The following KIF6 variants were observed in gnomAD, a reference collection of about 807,000 sequenced individuals.
KIF6 encodes the protein kinesin-like protein KIF6.
KIF6 carries 106 observed loss-of-function variants against 112.7 expected under a neutral mutation model. That is an observed-to-expected ratio of 0.94 (90% CI 0.80 to 1.11). KIF6 has a LOEUF of 1.11. KIF6 is among the 50% of genes least tolerant of loss of function. The pLI, the probability that KIF6 is intolerant of heterozygous loss-of-function variation, is 0.00. For synonymous variants in KIF6, 339 were observed against 339.9 expected (o/e 1.00, Z 0.03); for missense variants, 929 against 964.0 (o/e 0.96, Z 0.48).
chr6:39,348,923 C>A (rs763640746), intron 19 of KIF6, among the ~76,000 whole-genome samples: 9 of 152,182 alleles, frequency 5.9e-5, no homozygotes, highest in African/African-American at 2.2e-4. Context: ...GGGCACTGAC[C>A]GGGCAACATT....
At chr6:39,351,622 C>T (rs1027514540) in intron 19 of KIF6, among the ~76,000 whole-genome samples, 1 of 152,136 alleles carries the variant, frequency 6.6e-6, no homozygotes, top group South Asian at 2.1e-4. Context: ...CTCTCTCTCT[C>T]TCACACACAC....
At chr6:39,431,406 G>A in intron 13 of KIF6, 2 of 373,596 alleles carry the variant, frequency 5.4e-6, no homozygotes, top group Non-Finnish European at 9.6e-6. Context: ...GTGGGGGGCG[G>A]GGTTTGGAAT....
rs143093562 is a variant in KIF6 at position 39,482,006 on chromosome 6, G to GCACACACACACACACA, written c.1646-50861_1646-50846dup. 7.1e-5 allele frequency among the ~76,000 whole-genome samples: 10 copies of GCACACACACACACACA among 141,242 alleles called. No individual in the cohort carries two copies. The East Asian group carries it at 1.1e-3, about 15-fold the overall frequency. 92.7% of individuals were successfully genotyped at this position (141,242 alleles called of 152,430 possible). A position where few individuals can be genotyped will look rare whatever the true frequency, so the allele number is the denominator to read the frequency against. On this transcript the variant is annotated intron_variant, in intron 13 of 22. Transcript: ENST00000287152. ...GAGATAAAGACAACGGGACCTTTAGGCACACACACACACACACACACACAC... is the reference window on the plus strand; with the variant it reads ...GAGATAAAGACAACGGGACCTTTAGGCACACACACACACACACACACACACACACACACACACACAC...
At chr6:39,610,200 T>C (rs1424411187) in intron 6 of KIF6, among the ~76,000 whole-genome samples, 1 of 152,204 alleles carries the variant, frequency 6.6e-6, no homozygotes, top group African/African-American at 2.4e-5. Flanking sequence ...GCTTTTATAA[T>C]ATTTATTCTC....
intron 19 of KIF6, among the ~76,000 whole-genome samples, chr6:39,350,619 T>C (rs1764170501): frequency 6.6e-6 from 1 of 152,096 alleles, no homozygotes; most frequent in Admixed American, 6.6e-5. Context: ...CAACAGCGAA[T>C]CCTTCACGTG....
Position 39,345,639 on chromosome 6 carries a change from T to C in KIF6, c.2321+61A>G, listed in dbSNP as rs1333014484. On this transcript the variant is annotated intron_variant, in intron 21 of 22. Coordinates refer to ENST00000287152, the MANE Select transcript of KIF6 (RefSeq NM_145027.6). The stretch of plus-strand genomic sequence containing the variant: ...GCTTTTTCGGGGAGTAGACTGGAGA[T>C]GGAGGCCCACTCCGCCCACTGCAGG... The C allele has an allele frequency of 8.0e-6, 11 of 1,382,804 alleles. No homozygotes were observed. The Middle Eastern group carries it at 6.1e-4, about 76-fold the overall frequency. 85.7% of individuals were successfully genotyped at this position (1,382,804 alleles called of 1,614,324 possible). A position where few individuals can be genotyped will look rare whatever the true frequency, so the allele number is the denominator to read the frequency against.
chr6:39,379,930 A>C lies in KIF6; in HGVS notation c.1861+5692T>G, dbSNP rs77135279. ...GGGCCTTAAATGTAAAGTGAGGATA[A>C]TAGTAACATCTACGTCATTGGGTTG... is the stretch of plus-strand genomic sequence containing the variant. On this transcript the variant is annotated intron_variant, in intron 16 of 22. Transcript: ENST00000287152. Among the ~76,000 whole-genome samples, 1,003 of 152,364 alleles carry C rather than the reference A, an allele frequency of 6.6e-3. 9 individuals carry two copies. The highest frequency in any genetic ancestry group is 0.023 in the African/African-American group (954 of 41,586).
intron 10 of KIF6, among the ~76,000 whole-genome samples, chr6:39,564,357 G>C (rs182723584): frequency 6.6e-6 from 1 of 152,206 alleles, no homozygotes; most frequent in Non-Finnish European, 1.5e-5. Flanking sequence ...GGGTTTGAAG[G>C]ATGGGAATGA....
intron 5 of KIF6, among the ~76,000 whole-genome samples, chr6:39,619,325 A>C (rs1016015470): frequency 1.3e-5 from 2 of 152,182 alleles, no homozygotes; most frequent in Non-Finnish European, 2.9e-5. Flanking sequence ...TAATAATGTT[A>C]ATAGACTTGG....
In KIF6 at chr6:39,346,132, C is replaced by CCCCTCTCT. The variant is rs1554196915; in HGVS notation, c.2231+343_2232-343insAGAGAGGG. Among the ~76,000 whole-genome samples the CCCCTCTCT allele has an allele frequency of 7.8e-3, 209 of 26,924 alleles. 17 individuals are homozygous for CCCCTCTCT. Among genetic ancestry groups the CCCCTCTCT allele is most frequent in the African/African-American group, 0.029 (197 of 6,750 alleles). The allele number at this position is 26,924 out of a possible 152,430, so 17.7% of individuals were successfully genotyped here. On this transcript the variant is annotated intron_variant, in intron 20 of 22. Transcript: ENST00000287152. ...CTCCCTCTCCCTCTCCCTCCCTCTC[C>CCCCTCTCT]CTCTCTCTCTCTCTCTCTCTCTCTC...
At chr6:39,671,427 A>G (rs2150831674) in intron 3 of KIF6, among the ~76,000 whole-genome samples, 1 of 152,268 alleles carries the variant, frequency 6.6e-6, no homozygotes, top group South Asian at 2.1e-4. Context: ...CTTCCTAGTT[A>G]TCTCCGTGAG....
At chr6:39,488,081 T>A (rs1333608170) in intron 13 of KIF6, among the ~76,000 whole-genome samples, 3 of 152,074 alleles carry the variant, frequency 2.0e-5, no homozygotes, top group African/African-American at 7.2e-5. Flanking sequence ...ATACATAATG[T>A]CCTCTAATAA....
intron 18 of KIF6, among the ~76,000 whole-genome samples, chr6:39,359,659 C>T (rs1002747077): frequency 1.3e-5 from 2 of 152,126 alleles, no homozygotes; most frequent in Non-Finnish European, 2.9e-5. Context: ...TATCACTGCT[C>T]ACTGCAGCCT....
chr6:39,657,031 G>A (rs1243587898), intron 3 of KIF6, among the ~76,000 whole-genome samples: 1 of 152,060 alleles, frequency 6.6e-6, no homozygotes, highest in Admixed American at 6.6e-5. Flanking sequence ...AGGAGTTTGA[G>A]ACCAGCCTGA....
chr6:39,542,072 G>A (rs1778818211), intron 12 of KIF6, among the ~76,000 whole-genome samples: 1 of 152,202 alleles, frequency 6.6e-6, no homozygotes, highest in Non-Finnish European at 1.5e-5. Context: ...GTCCGTGGGG[G>A]AGGGGATGGT....
intron 14 of KIF6, among the ~76,000 whole-genome samples, chr6:39,421,228 T>C (rs924742620): frequency 2.0e-5 from 3 of 152,236 alleles, no homozygotes; most frequent in African/African-American, 7.2e-5. Flanking sequence ...GAAAGCTTCA[T>C]GTACAAGGTG....
At chr6:39,548,488 C>G (rs1477970608) in intron 10 of KIF6, among the ~76,000 whole-genome samples, 4 of 152,224 alleles carry the variant, frequency 2.6e-5, no homozygotes, top group Non-Finnish European at 5.9e-5. Context: ...AGCCTTTTGA[C>G]ATGCTATTTT....
At position 39,357,347 on chromosome 6, in the gene KIF6, C is replaced by G. The variant is rs1355696827; in HGVS notation, c.2110G>C (p.Asp704His). 2 of 1,613,486 alleles carry G rather than the reference C, an allele frequency of 1.2e-6. No homozygotes were observed. Among genetic ancestry groups the G allele is most frequent in the Non-Finnish European group, 1.7e-6 (2 of 1,179,680 alleles). The change falls in exon 19 of 23, where the codon GAT (aspartate) becomes CAT (histidine). Residue 704 changes from aspartate (D) to histidine (H), a missense_variant. By Grantham distance (81) the Asp-to-His change is moderately conservative (BLOSUM62 -1). Transcript: ENST00000287152. ...QVNSPAVNSLDHTKPFLQTSD... is the reference protein window; with the variant it reads ...QVNSPAVNSLHHTKPFLQTSD... Reference sequence around the variant, plus strand: ...GTCTGGAGAAATGGCTTCGTGTGATCGAGTGAATTCACTGCTGGAGAATTT... The same window carrying G: ...GTCTGGAGAAATGGCTTCGTGTGATGGAGTGAATTCACTGCTGGAGAATTT...
intron 7 of KIF6, among the ~76,000 whole-genome samples, chr6:39,593,415 G>C (rs1486656092): frequency 6.6e-6 from 1 of 151,704 alleles, no homozygotes. Context: ...CTCTTCTACC[G>C]ACCTACTTGC....
Sources: allele counts gnomAD v4.1 joint callset (sites outside exome capture counted in the v4.1 genomes callset), GRCh38; gene constraint gnomAD v4.1.1; transcripts MANE v1.5; gene names NCBI Gene and HGNC (gene_info 2026-07-23, HGNC 2026-07-21).